Variants in CNTNAP2 observed in about 807,000 individuals in gnomAD.
The protein encoded by CNTNAP2 is contactin associated protein 2, also known as contactin-associated protein-like 2.
In CNTNAP2, 98 loss-of-function variants were observed where a neutral mutation model predicts 155.2. The ratio of observed to expected loss-of-function variants is 0.63; its 90% CI spans 0.54 to 0.75. CNTNAP2 has a LOEUF of 0.75. CNTNAP2 is among the 30% of genes least tolerant of loss of function. The pLI, the probability that CNTNAP2 is intolerant of heterozygous loss-of-function variation, is 0.00. For synonymous variants in CNTNAP2, 651 were observed against 631.2 expected, an observed-to-expected ratio of 1.03 and a Z score of -0.47; for missense variants, 1,727 against 1,688.1, an observed-to-expected ratio of 1.02 and a Z score of -0.40.
chr7:147,689,423 A>G (rs1796058468), intron 13 of CNTNAP2, among the ~76,000 whole-genome samples: 1 of 152,194 alleles, frequency 6.6e-6, no homozygotes, highest in East Asian at 1.9e-4. Flanking sequence ...TGCTGGGATT[A>G]CAGGCGTGAG....
chr7:147,562,949 C>A (rs1236789619), intron 12 of CNTNAP2, among the ~76,000 whole-genome samples: 1 of 152,112 alleles, frequency 6.6e-6, no homozygotes, highest in Non-Finnish European at 1.5e-5. Flanking sequence ...CTGGCTCCAG[C>A]AAAAGACCAG....
intron 8 of CNTNAP2, among the ~76,000 whole-genome samples, chr7:147,139,289 G>T (rs937653677): frequency 2.6e-5 from 4 of 152,032 alleles, no homozygotes; most frequent in African/African-American, 9.7e-5. Context: ...TTTTGTAGTG[G>T]ATAAATGAGT....
chr7:146,543,288 AT>A (rs749526147), intron 1 of CNTNAP2, among the ~76,000 whole-genome samples: 26 of 151,950 alleles, frequency 1.7e-4, no homozygotes, highest in Non-Finnish European at 3.2e-4. Context: ...TCAATAAAAC[AT>A]TTTTTAAATT....
intron 22 of CNTNAP2, among the ~76,000 whole-genome samples, chr7:148,385,612 A>G (rs963588519): frequency 6.6e-6 from 1 of 152,174 alleles, no homozygotes; most frequent in African/African-American, 2.4e-5. Flanking sequence ...CCTTGGGCCA[A>G]TATGAGTTTT....
rs1187241227 is a variant in CNTNAP2, at chr7:146,759,437, G to A, written c.98-14834G>A. 2.0e-5 allele frequency among the ~76,000 whole-genome samples: 3 copies of A among 152,100 alleles called. No homozygotes were observed. In the East Asian group the frequency reaches 5.8e-4, roughly 29 times the overall value. On this transcript the variant is annotated intron_variant, in intron 1 of 23. Transcript: ENST00000361727. ...AGGCCGGGCACGGTGGCTCACGCCTGTAATCCCAACACTTTGGGAGGCCGA... is the reference window on the plus strand; with the variant it reads ...AGGCCGGGCACGGTGGCTCACGCCTATAATCCCAACACTTTGGGAGGCCGA...
At chr7:146,665,594 C>T (rs1485858858) in intron 1 of CNTNAP2, among the ~76,000 whole-genome samples, 1 of 151,190 alleles carries the variant, frequency 6.6e-6, no homozygotes, top group Admixed American at 6.6e-5. Context: ...CCAGTCTGGC[C>T]AACATGGTGA....
intron 15 of CNTNAP2, among the ~76,000 whole-genome samples, chr7:147,986,533 T>C (rs1801619832): frequency 6.6e-6 from 1 of 152,174 alleles, no homozygotes; most frequent in African/African-American, 2.4e-5. Context: ...GAACCTCTCA[T>C]TTTACAGATC....
At chr7:147,816,159 G>A (rs2116614018) in intron 13 of CNTNAP2, among the ~76,000 whole-genome samples, 1 of 152,178 alleles carries the variant, frequency 6.6e-6, no homozygotes, top group African/African-American at 2.4e-5. Flanking sequence ...CACAGGAGAA[G>A]TTCATCCTCT....
chr7:147,386,040 G>A (rs978362788), intron 9 of CNTNAP2, among the ~76,000 whole-genome samples: 1 of 152,168 alleles, frequency 6.6e-6, no homozygotes, highest in African/African-American at 2.4e-5. Context: ...GCCAAGACTT[G>A]GGGCTTCTGT....
intron 14 of CNTNAP2, among the ~76,000 whole-genome samples, chr7:147,935,901 C>T (rs1185131638): frequency 6.6e-6 from 1 of 152,176 alleles, no homozygotes; most frequent in Non-Finnish European, 1.5e-5. Flanking sequence ...TGCATTGTAG[C>T]ATGCAGAATG....
intron 11 of CNTNAP2, among the ~76,000 whole-genome samples, chr7:147,495,430 A>G (rs891705427): frequency 2.6e-5 from 4 of 152,202 alleles, no homozygotes; most frequent in African/African-American, 9.6e-5. Context: ...AAAGCAAGAT[A>G]CTTTTAATAG....
chr7:147,372,343 C>CA (rs1796361882), intron 9 of CNTNAP2, among the ~76,000 whole-genome samples: 1 of 152,130 alleles, frequency 6.6e-6, no homozygotes, highest in African/African-American at 2.4e-5. Context: ...CTCGAGAGAC[C>CA]ACTTAAGGAC....
At chr7:146,297,383 C>G (rs1038587955) in intron 1 of CNTNAP2, among the ~76,000 whole-genome samples, 3 of 151,476 alleles carry the variant, frequency 2.0e-5, no homozygotes, top group African/African-American at 7.3e-5. Flanking sequence ...CATTTTATTG[C>G]CATTTTGGGA....
intron 1 of CNTNAP2, among the ~76,000 whole-genome samples, chr7:146,496,878 A>G (rs1797223366): frequency 6.6e-6 from 1 of 152,246 alleles, no homozygotes; most frequent in Admixed American, 6.5e-5. Flanking sequence ...ATCCAACTGC[A>G]GAGCATCTGT....
intron 1 of CNTNAP2, among the ~76,000 whole-genome samples, chr7:146,664,078 G>A (rs1239637835): frequency 6.7e-6 from 1 of 148,850 alleles, no homozygotes; most frequent in East Asian, 2.0e-4. Context: ...AGTGACTATT[G>A]AATTCTGTTA....
At chr7:146,213,784 C>A (rs1464159767) in intron 1 of CNTNAP2, among the ~76,000 whole-genome samples, 1 of 152,108 alleles carries the variant, frequency 6.6e-6, no homozygotes, top group Non-Finnish European at 1.5e-5. Flanking sequence ...TAGCTTAATG[C>A]CACCTGTCAA....
At chr7:147,627,933 GA>G (rs144354051) in intron 12 of CNTNAP2, among the ~76,000 whole-genome samples, 2,571 of 145,658 alleles carry the variant, frequency 0.018, 216 homozygotes, top group Admixed American at 0.15. Context: ...ACAAAGACAA[GA>G]AAAAAAAAAG....
At chr7:147,915,832 G>C (rs1267993126) in intron 14 of CNTNAP2, among the ~76,000 whole-genome samples, 1 of 152,044 alleles carries the variant, frequency 6.6e-6, no homozygotes, top group Admixed American at 6.6e-5. Context: ...TTCAGTATTA[G>C]AGCATGGCCA....
At chr7:147,299,025 G>A (rs1211757818) in intron 8 of CNTNAP2, among the ~76,000 whole-genome samples, 2 of 152,052 alleles carry the variant, frequency 1.3e-5, no homozygotes, top group South Asian at 2.1e-4. Flanking sequence ...ACCTTTATTC[G>A]TTAGAGTTCT....
Sources: gnomAD v4.1 joint callset for allele counts (sites outside exome capture counted in the v4.1 genomes callset) on GRCh38, gnomAD v4.1.1 for gene constraint, MANE v1.5 for transcripts, NCBI Gene and HGNC (gene_info 2026-07-23, HGNC 2026-07-21) for gene names.